The following LIM2 variants were observed in gnomAD, a reference collection of about 807,000 sequenced individuals.
LIM2 encodes lens intrinsic membrane protein 2.
Under a neutral mutation model 19.0 loss-of-function variants are expected in LIM2, and 14 were observed. The observed-to-expected ratio is 0.74, with a 90% CI of 0.49 to 1.15. LIM2 has a LOEUF of 1.15. Among genes scored for constraint, LIM2 ranks in the 50% most tolerant of loss-of-function variants. LIM2 has a pLI of 0.00. For missense variants in LIM2, 230 were observed against 243.5 expected (o/e 0.94, Z 0.37); for synonymous variants, 78 against 89.6 (o/e 0.87, Z 0.73).
intron 2 of LIM2, among the ~76,000 whole-genome samples, chr19:51,385,815 G>T (rs1254417529): frequency 6.6e-6 from 1 of 152,180 alleles, no homozygotes; most frequent in Non-Finnish European, 1.5e-5. Context: ...GCATCGTCCT[G>T]CCTCTCTCTC....
Position 51,387,469 on chromosome 19 carries a change from T to A in LIM2, c.-6-20A>T. ...GGTGATCTGTGGGGAAGGGGAGAGA[T>A]GGGATTGGGAGCTGAATTCCCGGGA... On this transcript the variant is annotated intron_variant, in intron 1 of 4. Transcript: ENST00000596399. 6.2e-7 allele frequency: 1 copy of A among 1,612,400 alleles called. No individual in the cohort carries two copies. Among genetic ancestry groups the A allele is most frequent in the Non-Finnish European group, 8.5e-7 (1 of 1,179,804 alleles).
intron 1 of LIM2, among the ~76,000 whole-genome samples, 158 bp downstream of exon 1, chr19:51,387,761 G>A (rs1181570172): frequency 6.6e-6 from 1 of 152,008 alleles, no homozygotes; most frequent in Non-Finnish European, 1.5e-5. Context: ...AGTCCTAGGT[G>A]AGAAGGGGCC....
chr19:51,382,579 CCCCA>C lies in LIM2; in HGVS notation c.176-16_176-13del, dbSNP rs1986925281. Reference sequence around the variant, plus strand: ...GGCATTCCAGTATGCTGTGGGAGCACCCCATGGTCATTCCCACACCTCCCCTGCT... The same window carrying C: ...GGCATTCCAGTATGCTGTGGGAGCACTGGTCATTCCCACACCTCCCCTGCT... On this transcript the variant is annotated splice_polypyrimidine_tract_variant and intron_variant, in intron 2 of 4. Transcript: ENST00000596399. 1 of 1,612,772 alleles carries C rather than the reference CCCCA, an allele frequency of 6.2e-7. No individual in the cohort carries two copies. Among genetic ancestry groups the C allele is most frequent in the African/African-American group, 1.3e-5 (1 of 74,790 alleles).
intron 2 of LIM2, among the ~76,000 whole-genome samples, chr19:51,385,805 G>T (rs928726382): frequency 2.6e-5 from 4 of 152,172 alleles, no homozygotes; most frequent in Admixed American, 6.5e-5. Context: ...CAGCAAACAG[G>T]CATCGTCCTG....
In LIM2 at chr19:51,384,386, A is replaced by T. The variant is rs186062664; in HGVS notation, c.176-1819T>A. Among the ~76,000 whole-genome samples, 320 of 152,284 alleles carry T rather than the reference A, an allele frequency of 2.1e-3. 1 individual carries two copies. The highest frequency in any genetic ancestry group is 2.3e-3 in the Non-Finnish European group (156 of 68,020). ...GTGGAGGTTGCAGTGAGCCAAGATC[A>T]TTCCACTGCCCTCCAGCCTGGGTGG... is the stretch of plus-strand genomic sequence containing the variant. On this transcript the variant is annotated intron_variant, in intron 2 of 4. Transcript: ENST00000596399.
At chr19:51,380,780 G>C (rs1986876426) in intron 3 of LIM2, 141 bp from the exon 4 acceptor site, 4 of 963,128 alleles carry the variant, frequency 4.2e-6, no homozygotes. Flanking sequence ...TAGGAGTGAG[G>C]ATAGGGGTTG....
rs758206440 is a variant in LIM2, at chr19:51,380,495, C to T, written c.460+10G>A. ...CAGGCACTGACCTTCCCACCCCTTGCCCCCAGTACCTGCGAAGAACGTCAT... is the reference window on the plus strand; with the variant it reads ...CAGGCACTGACCTTCCCACCCCTTGTCCCCAGTACCTGCGAAGAACGTCAT... On this transcript the variant is annotated intron_variant, in intron 4 of 4. Coordinates refer to ENST00000596399, the MANE Select transcript of LIM2 (RefSeq NM_001161748.2). 3.1e-6 allele frequency: 5 copies of T among 1,613,538 alleles called. No homozygotes were observed. Among genetic ancestry groups the T allele is most frequent in the East Asian group, 4.5e-5 (2 of 44,876 alleles).
At position 51,382,537 on chromosome 19, in the gene LIM2, A is replaced by G. The variant is rs1245388459; in HGVS notation, c.206T>C (p.Ile69Thr). 6.2e-7 allele frequency: 1 copy of G among 1,613,690 alleles called. No individual in the cohort carries two copies. The highest frequency in any genetic ancestry group is 2.2e-5 in the East Asian group (1 of 44,890). ...GGAGATGGCGCATAGGGCAGACAGG[A>G]TCATGAAGGCCCGGGTGGCATTCCA... is the stretch of plus-strand genomic sequence containing the variant. Reference protein sequence around the residue: ...AYWNATRAFMILSALCAISGI... With the variant: ...AYWNATRAFMTLSALCAISGI... Residue 69 changes from isoleucine (I) to threonine (T), a missense_variant, in exon 3 of 5, where the codon ATC becomes ACC. Coordinates refer to ENST00000596399, the MANE Select transcript of LIM2 (RefSeq NM_001161748.2).
intron 3 of LIM2, among the ~76,000 whole-genome samples, chr19:51,381,797 C>T (rs955884520): frequency 2.9e-4 from 44 of 152,216 alleles, no homozygotes; most frequent in African/African-American, 9.4e-4. Context: ...ACAATCCCAG[C>T]TCACTGCAAG....
chr19:51,380,671 G>C (rs373743502), intron 3 of LIM2, 32 bp from the exon 4 acceptor site: 77 of 1,612,026 alleles, frequency 4.8e-5, no homozygotes, highest in Non-Finnish European at 6.4e-5. Flanking sequence ...ATGCAGGTGG[G>C]ACTAAGGCTG....
intron 2 of LIM2, 42 bp from the exon 3 acceptor site, chr19:51,382,609 C>G (rs374218327): frequency 2.1e-4 from 346 of 1,611,778 alleles, no homozygotes; most frequent in Non-Finnish European, 2.8e-4. Context: ...CTCCCCTGCT[C>G]TAAGTGAGAG....
intron 1 of LIM2, 34 bp from the exon 2 acceptor site, chr19:51,387,483 G>A (rs750379037): frequency 6.2e-7 from 1 of 1,611,716 alleles, no homozygotes; most frequent in Non-Finnish European, 8.5e-7. Context: ...ATTGGGAGCT[G>A]AATTCCCGGG....
At chr19:51,382,379 G>C (rs1457774804) in intron 3 of LIM2, 39 bp downstream of exon 3, 18 of 1,610,854 alleles carry the variant, frequency 1.1e-5, no homozygotes, top group Admixed American at 1.7e-5. Context: ...TTTGAGATGA[G>C]AGCGAGGAGA....
chr19:51,385,731 C>G lies in LIM2; in HGVS notation c.175+1538G>C, dbSNP rs35852171. Among the ~76,000 whole-genome samples, 37 of 152,136 alleles carry G rather than the reference C, an allele frequency of 2.4e-4. No homozygotes were observed. In the East Asian group the frequency reaches 6.9e-3, roughly 29 times the overall value. Reference sequence around the variant, plus strand: ...GAAGGATGTGTGGAGTCAGGCAGAGCGGACTCTGAAGCTGATGGCCCAAGG... The same window carrying G: ...GAAGGATGTGTGGAGTCAGGCAGAGGGGACTCTGAAGCTGATGGCCCAAGG... On this transcript the variant is annotated intron_variant, in intron 2 of 4. Coordinates refer to ENST00000596399, the MANE Select transcript of LIM2 (RefSeq NM_001161748.2).
At chr19:51,387,550 G>T in intron 1 of LIM2, 101 bp from the exon 2 acceptor site, 1 of 1,531,330 alleles carries the variant, frequency 6.5e-7, no homozygotes, top group East Asian at 2.3e-5. Flanking sequence ...CCAAGTGCTT[G>T]GGAGAAGGAG....
chr19:51,382,332 G>T, intron 3 of LIM2, 86 bp downstream of exon 3: 2 of 1,490,838 alleles, frequency 1.3e-6, no homozygotes, highest in South Asian at 1.1e-5. Context: ...AGGAGTAAGG[G>T]GTGAGAATGG....
At chr19:51,383,059 G>A (rs1260858425) in intron 2 of LIM2, among the ~76,000 whole-genome samples, 2 of 102,620 alleles carry the variant, frequency 1.9e-5, no homozygotes, top group African/African-American at 3.8e-5. Flanking sequence ...TTTTGAGACC[G>A]AGTCTTCCTC....
At chr19:51,380,385 C>CTA in intron 4 of LIM2, 120 bp downstream of exon 4, 1 of 1,561,800 alleles carries the variant, frequency 6.4e-7, no homozygotes, top group Non-Finnish European at 8.8e-7. Context: ...CTCCATAGGC[C>CTA]TGGAGTCTTC....
chr19:51,380,436 T>C, intron 4 of LIM2, 69 bp downstream of exon 4: 2 of 1,609,562 alleles, frequency 1.2e-6, no homozygotes, highest in Non-Finnish European at 1.7e-6. Flanking sequence ...GGACACCCTG[T>C]CATCTTCCAC....
Sources: gnomAD v4.1 joint callset for allele counts (sites outside exome capture counted in the v4.1 genomes callset) on GRCh38, gnomAD v4.1.1 for gene constraint, MANE v1.5 for transcripts, NCBI Gene and HGNC (gene_info 2026-07-23, HGNC 2026-07-21) for gene names.